CPAMD8: variants seen among roughly 807,000 people sequenced by gnomAD.
CPAMD8 encodes the protein C3 and PZP-like alpha-2-macroglobulin domain-containing protein 8.
A neutral mutation model predicts 224.7 loss-of-function variants in CPAMD8; 146 were observed. That is an observed-to-expected ratio of 0.65 (90% CI 0.57 to 0.75). The LOEUF (loss-of-function observed/expected upper bound fraction) is 0.75. Ranked by LOEUF, CPAMD8 falls within the 30% of genes least tolerant of loss-of-function variation. The pLI is 0.00. For missense variants in CPAMD8, 2,301 were observed against 2,537.5 expected (o/e 0.91, Z 2.00); for synonymous variants, 966 against 1,044.6 (o/e 0.92, Z 1.45).
intron 11 of CPAMD8, 59 bp downstream of exon 11, chr19:16,997,052 G>C (rs981715496): frequency 9.6e-7 from 1 of 1,036,928 alleles, no homozygotes; most frequent in Non-Finnish European, 1.5e-6. Flanking sequence ...CTAGTGGCTA[G>C]TGGTGGTGGT....
intron 14 of CPAMD8, 28 bp downstream of exon 14, chr19:16,980,469 G>A: frequency 1.9e-6 from 3 of 1,603,162 alleles, no homozygotes; most frequent in Non-Finnish European, 2.6e-6. Flanking sequence ...AGGAAGAACA[G>A]GAACCTTCTC....
chr19:17,002,826 T>A (rs2056371866), intron 8 of CPAMD8, among the ~76,000 whole-genome samples: 1 of 152,060 alleles, frequency 6.6e-6, no homozygotes, highest in African/African-American at 2.4e-5. Flanking sequence ...GAGCAGCCGG[T>A]AAACCAGAAA....
chr19:17,023,513 A>C (rs944704908), intron 1 of CPAMD8, among the ~76,000 whole-genome samples: 2 of 152,166 alleles, frequency 1.3e-5, no homozygotes, highest in Non-Finnish European at 2.9e-5. Flanking sequence ...AAAGGGGGAA[A>C]CTGGACCATG....
At chr19:16,976,352 T>A (rs2055271491) in intron 15 of CPAMD8, among the ~76,000 whole-genome samples, 2 of 151,990 alleles carry the variant, frequency 1.3e-5, no homozygotes, top group Admixed American at 1.3e-4. Context: ...GGCAGGTGCC[T>A]GTAATCCCAG....
At chr19:17,003,160 C>T (rs1376487375) in intron 8 of CPAMD8, among the ~76,000 whole-genome samples, 1 of 151,882 alleles carries the variant, frequency 6.6e-6, no homozygotes, top group Non-Finnish European at 1.5e-5. Context: ...ACCTCAGCCT[C>T]CCAAAGTGCT....
At position 16,940,931 on chromosome 19, in the gene CPAMD8, T is replaced by G. The variant is rs182559260; in HGVS notation, c.2794-2485A>C. ...CTAGGCCATTGTAACCCACGGTAGT[T>G]TTTTGTTTTTTGTTTTTGAGATGGA... is the stretch of plus-strand genomic sequence containing the variant. On this transcript the variant is annotated intron_variant, in intron 22 of 41. Coordinates refer to ENST00000443236, the MANE Select transcript of CPAMD8 (RefSeq NM_015692.5). 1.2e-3 allele frequency among the ~76,000 whole-genome samples: 189 copies of G among 151,586 alleles called. 2 individuals carry two copies. Among genetic ancestry groups the G allele is most frequent in the African/African-American group, 4.4e-3 (183 of 41,248 alleles).
chr19:16,900,373 T>C (rs201284384), intron 36 of CPAMD8, among the ~76,000 whole-genome samples: 1 of 151,760 alleles, frequency 6.6e-6, no homozygotes, highest in East Asian at 1.9e-4. Context: ...TGAGGTGGGC[T>C]GATCACCCGA....
Position 16,901,308 on chromosome 19 carries a change from C to T in CPAMD8, c.4686-11G>A. The T allele has an allele frequency of 6.3e-7, 1 of 1,584,386 alleles. No individual in the cohort carries two copies. The highest frequency in any genetic ancestry group is 2.2e-5 in the East Asian group (1 of 44,700). On this transcript the variant is annotated splice_polypyrimidine_tract_variant and intron_variant, in intron 35 of 41. Coordinates refer to ENST00000443236, the MANE Select transcript of CPAMD8 (RefSeq NM_015692.5). The stretch of plus-strand genomic sequence containing the variant: ...CCTGCATGCAGCCACCTTCCAACAA[C>T]AGGGGAGAGAGAGAGGCCCTAGAGC...
intron 23 of CPAMD8, among the ~76,000 whole-genome samples, chr19:16,931,166 C>T (rs146129014): frequency 1.5e-3 from 227 of 152,282 alleles, no homozygotes; most frequent in African/African-American, 4.9e-3. Context: ...GAGCATTCCA[C>T]CAGAGACCTA....
rs71946803 is a variant in CPAMD8 at position 16,967,892 on chromosome 19, T to TATGTGCATATATACACACAC, written c.2213+2998_2213+2999insGTGTGTGTATATATGCACAT. On this transcript the variant is annotated intron_variant, in intron 18 of 41. Coordinates refer to ENST00000443236, the MANE Select transcript of CPAMD8 (RefSeq NM_015692.5). ...ATATATGTGCATATATACACACACATGTGTGTGTATATATGTGCATATATA... is the reference window on the plus strand; with the variant it reads ...ATATATGTGCATATATACACACACATATGTGCATATATACACACACGTGTGTGTATATATGTGCATATATA... Among the ~76,000 whole-genome samples the TATGTGCATATATACACACAC allele has an allele frequency of 2.3e-3, 112 of 49,502 alleles. 5 individuals carry two copies. Among genetic ancestry groups the TATGTGCATATATACACACAC allele is most frequent in the African/African-American group, 0.011 (80 of 7,458 alleles). 32.5% of individuals were successfully genotyped at this position (49,502 alleles called of 152,430 possible).
At chr19:16,900,788 G>A (rs2052221115) in intron 36 of CPAMD8, among the ~76,000 whole-genome samples, 3 of 152,116 alleles carry the variant, frequency 2.0e-5, no homozygotes, top group Middle Eastern at 6.8e-3. Context: ...GAGGCGGGAG[G>A]ATTGCTTGAG....
At chr19:16,998,627 A>T (rs1333748170) in intron 10 of CPAMD8, among the ~76,000 whole-genome samples, 1 of 152,160 alleles carries the variant, frequency 6.6e-6, no homozygotes, top group Non-Finnish European at 1.5e-5. Context: ...GCACCTACAA[A>T]GGGATGGGAA....
intron 41 of CPAMD8, chr19:16,894,472 G>T (rs193040300): frequency 6.6e-6 from 3 of 456,470 alleles, no homozygotes; most frequent in African/African-American, 6.0e-5. Context: ...CTATGGGGCC[G>T]CCAGGACTTC....
chr19:16,937,096 CT>C (rs2053717952), intron 23 of CPAMD8, among the ~76,000 whole-genome samples: 1 of 147,994 alleles, frequency 6.8e-6, no homozygotes, highest in Non-Finnish European at 1.5e-5. Flanking sequence ...TTCCTCCTTC[CT>C]TCCTTTCTTC....
At chr19:16,969,048 G>A (rs1381971089) in intron 18 of CPAMD8, among the ~76,000 whole-genome samples, 2 of 152,196 alleles carry the variant, frequency 1.3e-5, no homozygotes, top group South Asian at 2.1e-4. Context: ...AGGAGGGAAG[G>A]ATGAGAGGAA....
intron 20 of CPAMD8, among the ~76,000 whole-genome samples, chr19:16,950,722 G>A (rs777053155): frequency 1.1e-4 from 17 of 150,544 alleles, no homozygotes; most frequent in Non-Finnish European, 2.5e-4. Flanking sequence ...GAGCCCAGGA[G>A]GTCAAGGCTG....
Position 17,022,042 on chromosome 19 carries a change from C to T in CPAMD8, c.232G>A (p.Gly78Arg). ...CCAAGGGACCTACCCAGGATGGCTCCCTGGCTCTGCACCACCGGCTCACCC... is the reference window on the plus strand; with the variant it reads ...CCAAGGGACCTACCCAGGATGGCTCTCTGGCTCTGCACCACCGGCTCACCC... ...AQGEPVVQSQGAILDKGTIKL... is the reference protein window; with the variant it reads ...AQGEPVVQSQRAILDKGTIKL... The change falls in exon 2 of 42, where the codon GGA (glycine) becomes AGA (arginine). Residue 78 changes from glycine to arginine, a missense_variant. Gly to Arg is a moderately radical substitution (Grantham distance 125). Coordinates refer to ENST00000443236, the MANE Select transcript of CPAMD8 (RefSeq NM_015692.5). The T allele has an allele frequency of 6.2e-7, 1 of 1,603,802 alleles. No homozygotes were observed. The highest frequency in any genetic ancestry group is 8.5e-7 in the Non-Finnish European group (1 of 1,175,614).
chr19:16,958,490 C>G (rs1031435001), intron 18 of CPAMD8, among the ~76,000 whole-genome samples: 2 of 152,166 alleles, frequency 1.3e-5, no homozygotes, highest in Non-Finnish European at 2.9e-5. Flanking sequence ...CATGGTATTT[C>G]TGTACCACAT....
chr19:16,937,613 T>C (rs1263673637), intron 23 of CPAMD8, among the ~76,000 whole-genome samples: 1 of 151,342 alleles, frequency 6.6e-6, no homozygotes, highest in Admixed American at 6.6e-5. Context: ...GTAGCTGGGA[T>C]TACAGGCACA....
Sources: gnomAD v4.1 joint callset for allele counts (sites outside exome capture counted in the v4.1 genomes callset) on GRCh38, gnomAD v4.1.1 for gene constraint, MANE v1.5 for transcripts, NCBI Gene and HGNC (gene_info 2026-07-23, HGNC 2026-07-21) for gene names.